The following NOTCH1 variants were observed in gnomAD, a reference collection of about 807,000 sequenced individuals.
NOTCH1 encodes the protein notch receptor 1.
Under a neutral mutation model 254.8 loss-of-function variants are expected in NOTCH1, and 37 were observed. That is an observed-to-expected ratio of 0.15 (90% confidence interval 0.11 to 0.19). NOTCH1 has a LOEUF of 0.19. Ranked by LOEUF, NOTCH1 falls within the 10% of genes least tolerant of loss-of-function variation. The pLI, the probability that NOTCH1 is intolerant of heterozygous loss-of-function variation, is 1.00. For synonymous variants in NOTCH1, 1,731 were observed against 1,618.1 expected (o/e 1.07, Z -1.68); for missense variants, 2,972 against 3,708.6 (o/e 0.80, Z 5.16).
At position 136,535,513 on chromosome 9, in the gene NOTCH1, TGGGTGG is replaced by T. The variant is rs1564210903; in HGVS notation, c.140+8505_140+8510del. ...AGGGGCAATGGGTGCAGGGTGGGAG[TGGGTGG>T]AGGGGGGAGCACTCAGGATCCCTCC... On this transcript the variant is annotated intron_variant, in intron 2 of 33. Coordinates refer to ENST00000651671, the MANE Select transcript of NOTCH1 (RefSeq NM_017617.5). Among the ~76,000 whole-genome samples the T allele has an allele frequency of 4.3e-3, 58 of 13,334 alleles. 1 individual carries two copies. Among genetic ancestry groups the T allele is most frequent in the African/African-American group, 0.012 (25 of 2,140 alleles). 8.7% of individuals were successfully genotyped at this position (13,334 alleles called of 152,430 possible). A position where few individuals can be genotyped will look rare whatever the true frequency, so the allele number is the denominator to read the frequency against.
At chr9:136,511,865 T>A (rs1843186751) in intron 15 of NOTCH1, among the ~76,000 whole-genome samples, 1 of 152,164 alleles carries the variant, frequency 6.6e-6, no homozygotes, top group South Asian at 2.1e-4. Context: ...ACGCAGGGTG[T>A]CTGGCAAAGG....
At chr9:136,523,681 G>C (rs2133378758) in intron 3 of NOTCH1, 36 bp downstream of exon 3, 6 of 1,576,230 alleles carry the variant, frequency 3.8e-6, no homozygotes, top group Non-Finnish European at 5.2e-6. Context: ...GCGGGCCTGG[G>C]TCTGCCCACC....
rs1843717832 is a variant in NOTCH1 at position 136,540,518 on chromosome 9, C to T, written c.140+3506G>A. Among the ~76,000 whole-genome samples the T allele has an allele frequency of 6.6e-6, 1 of 152,198 alleles. No individual in the cohort carries two copies. Among genetic ancestry groups the T allele is most frequent in the African/African-American group, 2.4e-5 (1 of 41,450 alleles). On this transcript the variant is annotated intron_variant, in intron 2 of 33. Transcript: ENST00000651671. The surrounding 1 kb of genome is among the most constrained non-coding windows in gnomAD (Gnocchi z 4.4). ...AGGCTCTGGAAACCAGCACTGTCAG[C>T]CAACGGGGAGAAGGCGGGGAAGAAA... is the stretch of plus-strand genomic sequence containing the variant.
chr9:136,519,194 G>A (rs1292343874), intron 5 of NOTCH1, among the ~76,000 whole-genome samples: 1 of 152,244 alleles, frequency 6.6e-6, no homozygotes, highest in Non-Finnish European at 1.5e-5. Flanking sequence ...GGGGCTGCCT[G>A]GAGCCAGGTT....
At chr9:136,512,982 G>A in intron 15 of NOTCH1, 39 bp downstream of exon 15, 1 of 663,500 alleles carries the variant, frequency 1.5e-6, no homozygotes, top group Admixed American at 2.4e-5. Context: ...TCCCACATAG[G>A]CCCCGCCCCC....
chr9:136,542,034 G>A (rs1484599229), intron 2 of NOTCH1, among the ~76,000 whole-genome samples: 1 of 152,256 alleles, frequency 6.6e-6, no homozygotes, highest in East Asian at 1.9e-4. Context: ...AGCTCACCGG[G>A]ATCCCAGGTT....
rs1442559147 is a variant in NOTCH1 at position 136,495,097 on chromosome 9, C to T, written c.*974G>A. On this transcript the variant is annotated 3_prime_UTR_variant, in exon 34 of 34. Transcript: ENST00000651671. ...GGCTGTGTTGCTGGAGCATCTTCTTCGGAACCTGGGGGACACTGTGCAGGC... is the reference window on the plus strand; with the variant it reads ...GGCTGTGTTGCTGGAGCATCTTCTTTGGAACCTGGGGGACACTGTGCAGGC... The T allele has an allele frequency of 1.5e-5, 6 of 398,996 alleles. No homozygotes were observed. The highest frequency in any genetic ancestry group is 1.3e-4 in the South Asian group (1 of 7,860). The allele number at this position is 398,996 out of a possible 1,614,324, so 24.7% of individuals were successfully genotyped here.
chr9:136,512,036 C>T (rs1843188906), intron 15 of NOTCH1, among the ~76,000 whole-genome samples: 1 of 152,238 alleles, frequency 6.6e-6, no homozygotes, highest in Non-Finnish European at 1.5e-5. Flanking sequence ...TATTGGTTTC[C>T]ACGGTGACCC....
chr9:136,535,317 G>A (rs1344761638), intron 2 of NOTCH1, among the ~76,000 whole-genome samples: 1 of 152,086 alleles, frequency 6.6e-6, no homozygotes, highest in Admixed American at 6.5e-5. Context: ...GGCGTGCGGA[G>A]AGGGCCCTGT....
At chr9:136,524,022 C>A (rs1843419927) in intron 2 of NOTCH1, 43 bp from the exon 3 acceptor site, 1 of 1,533,374 alleles carries the variant, frequency 6.5e-7, no homozygotes, top group South Asian at 1.2e-5. Context: ...CACCTGCTTC[C>A]CCAGCGCCCC....
chr9:136,531,668 C>T (rs961696875), intron 2 of NOTCH1, among the ~76,000 whole-genome samples: 4 of 152,216 alleles, frequency 2.6e-5, no homozygotes, highest in African/African-American at 7.2e-5. Flanking sequence ...ACAGCACCCG[C>T]GGGGCGTCGG....
intron 32 of NOTCH1, 28 bp from the exon 33 acceptor site, chr9:136,499,024 T>C (rs2133322097): frequency 6.2e-7 from 1 of 1,612,884 alleles, no homozygotes. Flanking sequence ...ATGGGGTAGG[T>C]TGGAGACCAG....
rs1174848058 is a variant in NOTCH1, at chr9:136,497,165, C to A, written c.6574G>T (p.Asp2192Tyr). The change falls in exon 34 of 34, where the codon GAC becomes TAC. Residue 2192 changes from aspartate (D) to tyrosine (Y), a missense_variant. By Grantham distance (160) the Asp-to-Tyr change is radical. This residue lies in a region of NOTCH1 where 529 missense variants were observed against 529.2 expected (regional missense o/e 1.00). Coordinates refer to ENST00000651671, the MANE Select transcript of NOTCH1 (RefSeq NM_017617.5). ...KSQDGKGCLL[D>Y]SSGMLSPVDS... ...ACGGGCGAGAGCATGCCGGAGCTGT[C>A]CAGCAGGCAGCCCTTGCCGTCCTGG... The A allele has an allele frequency of 1.9e-6, 3 of 1,612,812 alleles. No homozygotes were observed. Among genetic ancestry groups the A allele is most frequent in the East Asian group, 2.2e-5 (1 of 44,878 alleles).
At chr9:136,544,397 C>T (rs905131757) in intron 1 of NOTCH1, among the ~76,000 whole-genome samples, 2 of 152,158 alleles carry the variant, frequency 1.3e-5, no homozygotes, top group Non-Finnish European at 1.5e-5. Flanking sequence ...TGATGTGCCG[C>T]CTGGACGCAG....
rs35980907 is a variant in NOTCH1, at chr9:136,503,225, C to T, written c.5124G>A (p.Ser1708=). Reference sequence around the variant, plus strand: ...TGTAGGGGATGTTGAGGCTGCCCAGCGAGGCGAGCGCTCCCAGGAATGCGG... The same window carrying T: ...TGTAGGGGATGTTGAGGCTGCCCAGTGAGGCGAGCGCTCCCAGGAATGCGG... The part of the protein sequence containing the change: ...DVAAFLGALA[S]LGSLNIPYKI... The change falls in exon 27 of 34, where the codon TCG becomes TCA. Residue 1708 remains serine, a synonymous_variant. Coordinates refer to ENST00000651671, the MANE Select transcript of NOTCH1 (RefSeq NM_017617.5). 4.2e-5 allele frequency: 67 copies of T among 1,612,676 alleles called. No individual in the cohort carries two copies. The highest frequency in any genetic ancestry group is 1.5e-4 in the South Asian group (14 of 91,078).
intron 2 of NOTCH1, among the ~76,000 whole-genome samples, chr9:136,542,523 G>A (rs180786309): frequency 7.2e-4 from 107 of 149,320 alleles, no homozygotes; most frequent in African/African-American, 2.6e-3. Context: ...TTCTGCAGAG[G>A]GAGAAGGGGG....
intron 27 of NOTCH1, 189 bp downstream of exon 27, chr9:136,502,993 G>A (rs113377894): frequency 8.5e-6 from 7 of 820,270 alleles, no homozygotes; most frequent in Admixed American, 6.0e-5. Context: ...TGGCTCCACC[G>A]GCAGCTGTGA....
At chr9:136,505,922 C>A (rs1443637131) in intron 24 of NOTCH1, 41 bp from the exon 25 acceptor site, 8 of 1,483,140 alleles carry the variant, frequency 5.4e-6, no homozygotes, top group Middle Eastern at 2.3e-4. Context: ...GGGTGGGCCA[C>A]CCCCCGCCCC....
At chr9:136,538,379 G>A (rs1460162453) in intron 2 of NOTCH1, among the ~76,000 whole-genome samples, 2 of 152,062 alleles carry the variant, frequency 1.3e-5, no homozygotes, top group African/African-American at 2.4e-5. Context: ...CCAGGGTCCC[G>A]CTGGCTGTAG....
Sources: allele counts gnomAD v4.1 joint callset (sites outside exome capture counted in the v4.1 genomes callset), GRCh38; gene constraint gnomAD v4.1.1; regional missense constraint gnomAD v4.1.1; non-coding constraint Gnocchi (gnomAD v3.1); transcripts MANE v1.5; gene names NCBI Gene and HGNC (gene_info 2026-07-23, HGNC 2026-07-21).